PAWR: variants seen among roughly 807,000 people sequenced by gnomAD.
PAWR encodes the protein pro-apoptotic WT1 regulator.
PAWR carries 23 observed loss-of-function variants against 32.0 expected under a neutral mutation model. The observed-to-expected ratio is 0.72, with a 90% CI of 0.52 to 1.02. The LOEUF is 1.02. PAWR is among the 50% of genes least tolerant of loss of function. PAWR has a pLI of 0.00. For missense variants in PAWR, 457 were observed against 437.7 expected (o/e 1.04, Z -0.39); for synonymous variants, 226 against 187.1 (o/e 1.21, Z -1.70).
rs190925235 is a variant in PAWR at position 79,646,900 on chromosome 12, G to A, written c.517-25693C>T. 1.9e-3 allele frequency among the ~76,000 whole-genome samples: 286 copies of A among 152,172 alleles called. 1 individual carries two copies. Among genetic ancestry groups the A allele is most frequent in the Middle Eastern group, 6.8e-3 (2 of 294 alleles). ...AAATATTAACATAGGCATTTTGGCC[G>A]GGCACGGTGGCTGACACCTGTAATC... is the stretch of plus-strand genomic sequence containing the variant. On this transcript the variant is annotated intron_variant, in intron 2 of 6. Transcript: ENST00000328827.
intron 3 of PAWR, among the ~76,000 whole-genome samples, chr12:79,615,783 G>A (rs1460343020): frequency 1.3e-5 from 2 of 152,134 alleles, no homozygotes; most frequent in Non-Finnish European, 2.9e-5. Flanking sequence ...CCAGCTGGGT[G>A]CAGTGGCTCA....
chr12:79,601,736 A>C (rs1329256551), intron 4 of PAWR, among the ~76,000 whole-genome samples: 2 of 152,214 alleles, frequency 1.3e-5, no homozygotes, highest in East Asian at 3.8e-4. Context: ...TAAAATATTG[A>C]ATATGCTTCA....
chr12:79,657,528 A>T (rs549415776), intron 2 of PAWR, among the ~76,000 whole-genome samples: 2 of 152,276 alleles, frequency 1.3e-5, no homozygotes, highest in East Asian at 1.9e-4. Flanking sequence ...GCGGTGGCTC[A>T]CGCCCGTAAT....
chr12:79,619,555 T>A (rs549411549), intron 3 of PAWR, among the ~76,000 whole-genome samples: 12 of 152,206 alleles, frequency 7.9e-5, no homozygotes, highest in Admixed American at 2.6e-4. Flanking sequence ...TTCAGTACTA[T>A]CTATGATTTC....
intron 2 of PAWR, among the ~76,000 whole-genome samples, chr12:79,653,960 G>C (rs1004680634): frequency 2.6e-5 from 4 of 152,162 alleles, no homozygotes; most frequent in African/African-American, 9.7e-5. Flanking sequence ...TATTTGTACT[G>C]AAGTAAATCA....
intron 2 of PAWR, among the ~76,000 whole-genome samples, chr12:79,633,593 A>C (rs1875820331): frequency 6.6e-6 from 1 of 152,178 alleles, no homozygotes; most frequent in Non-Finnish European, 1.5e-5. Flanking sequence ...TCATATAAAA[A>C]CAAGCCTCTG....
intron 4 of PAWR, among the ~76,000 whole-genome samples, chr12:79,607,877 C>T (rs921879325): frequency 6.6e-6 from 1 of 151,778 alleles, no homozygotes; most frequent in Admixed American, 6.6e-5. Flanking sequence ...TGGTGAAACC[C>T]CGTCTCTACC....
At chr12:79,655,647 T>A (rs1050353900) in intron 2 of PAWR, among the ~76,000 whole-genome samples, 1 of 152,224 alleles carries the variant, frequency 6.6e-6, no homozygotes, top group African/African-American at 2.4e-5. Context: ...CCTCAGATAC[T>A]ACATTTCCAA....
At chr12:79,688,119 C>G (rs1878772052) in intron 2 of PAWR, among the ~76,000 whole-genome samples, 1 of 151,960 alleles carries the variant, frequency 6.6e-6, no homozygotes, top group African/African-American at 2.4e-5. Context: ...CATCTACATT[C>G]TCAGCACTAT....
chr12:79,599,702 C>G (rs1021393194), intron 4 of PAWR, among the ~76,000 whole-genome samples: 1 of 152,194 alleles, frequency 6.6e-6, no homozygotes, highest in Non-Finnish European at 1.5e-5. Flanking sequence ...AGTTAGTCTT[C>G]GTATCACTGT....
At chr12:79,609,078 A>C (rs946240985) in intron 4 of PAWR, among the ~76,000 whole-genome samples, 1 of 152,160 alleles carries the variant, frequency 6.6e-6, no homozygotes, top group Admixed American at 6.5e-5. Flanking sequence ...TCAAAAAAAC[A>C]AAAGGAGGGG....
chr12:79,642,770 G>A (rs8176841), intron 2 of PAWR, among the ~76,000 whole-genome samples: 29,863 of 152,028 alleles, frequency 0.2, 7,776 homozygotes, highest in African/African-American at 0.6. Flanking sequence ...ACAAAACTTA[G>A]TCCATTAACA....
At chr12:79,630,709 C>A (rs1178852528) in intron 2 of PAWR, among the ~76,000 whole-genome samples, 2 of 151,958 alleles carry the variant, frequency 1.3e-5, no homozygotes, top group East Asian at 1.9e-4. Flanking sequence ...AGCTCTCTAT[C>A]TAGTAAAGAA....
intron 4 of PAWR, among the ~76,000 whole-genome samples, chr12:79,606,498 A>G (rs1874188405): frequency 6.6e-6 from 1 of 152,212 alleles, no homozygotes; most frequent in Admixed American, 6.5e-5. Flanking sequence ...GTTAGACTTC[A>G]TAATTCAGAA....
chr12:79,627,187 C>G lies in PAWR; in HGVS notation c.517-5980G>C, dbSNP rs567096433. The stretch of plus-strand genomic sequence containing the variant: ...CACACTGACTTCCACAATGGTTGAA[C>G]TAGTTTACAGTCCCACCAACAGTGT... On this transcript the variant is annotated intron_variant, in intron 2 of 6. Transcript: ENST00000328827. 4.8e-3 allele frequency among the ~76,000 whole-genome samples: 736 copies of G among 152,210 alleles called. 7 individuals carry two copies. Among genetic ancestry groups the G allele is most frequent in the African/African-American group, 0.017 (699 of 41,500 alleles).
At chr12:79,675,515 A>C (rs1878121344) in intron 2 of PAWR, among the ~76,000 whole-genome samples, 1 of 152,228 alleles carries the variant, frequency 6.6e-6, no homozygotes, top group African/African-American at 2.4e-5. Context: ...TTGGATAAAG[A>C]AAATGTGGTA....
At chr12:79,619,750 A>G (rs937732183) in intron 3 of PAWR, among the ~76,000 whole-genome samples, 2 of 152,204 alleles carry the variant, frequency 1.3e-5, no homozygotes, top group African/African-American at 4.8e-5. Flanking sequence ...GATTTCAAAT[A>G]TACTCTTTCT....
intron 2 of PAWR, chr12:79,688,462 T>C (rs1190001578): frequency 1.5e-5 from 2 of 132,704 alleles, no homozygotes; most frequent in East Asian, 4.4e-4. Flanking sequence ...CTTCATATTT[T>C]TAACTAAAAA....
intron 2 of PAWR, among the ~76,000 whole-genome samples, chr12:79,644,162 T>C (rs1876463002): frequency 6.6e-6 from 1 of 152,178 alleles, no homozygotes; most frequent in African/African-American, 2.4e-5. Context: ...TCCCGTATCA[T>C]TGGGTTTTGC....
Sources: allele counts gnomAD v4.1 joint callset (sites outside exome capture counted in the v4.1 genomes callset), GRCh38; gene constraint gnomAD v4.1.1; transcripts MANE v1.5; gene names NCBI Gene and HGNC (gene_info 2026-07-23, HGNC 2026-07-21).